The following GRM8 variants were observed in gnomAD, a reference collection of about 807,000 sequenced individuals.
GRM8 encodes glutamate metabotropic receptor 8.
Under a neutral mutation model 87.2 loss-of-function variants are expected in GRM8, and 47 were observed. That is an observed-to-expected ratio of 0.54 (90% CI 0.43 to 0.69). GRM8 has a LOEUF of 0.69. Among genes scored for constraint, GRM8 ranks in the 30% least tolerant of loss-of-function variants. The pLI is 0.00. For synonymous variants in GRM8, 396 were observed against 404.5 expected, an observed-to-expected ratio of 0.98 and a Z score of 0.25; for missense variants, 1,019 against 1,139.2, an observed-to-expected ratio of 0.89 and a Z score of 1.52.
chr7:126,941,947 G>T (rs1806992846), intron 3 of GRM8, among the ~76,000 whole-genome samples: 1 of 152,112 alleles, frequency 6.6e-6, no homozygotes, highest in South Asian at 2.1e-4. Flanking sequence ...ACAAAAATTG[G>T]TTTATAATTA....
intron 3 of GRM8, among the ~76,000 whole-genome samples, chr7:126,967,424 A>G (rs1809987490): frequency 6.6e-6 from 1 of 152,148 alleles, no homozygotes; most frequent in Non-Finnish European, 1.5e-5. Flanking sequence ...ATTCACACAC[A>G]TTTTTCAAAG....
In GRM8 at chr7:126,928,121, G is replaced by T. The variant is rs181198364; in HGVS notation, c.728-23438C>A. ...TTCTCAGCAAACTAACACAAGGACA[G>T]AAAACCAAACACTGCATGTTCTCAC... On this transcript the variant is annotated intron_variant, in intron 3 of 10. Coordinates refer to ENST00000339582, the MANE Select transcript of GRM8 (RefSeq NM_000845.3). 2.4e-3 allele frequency among the ~76,000 whole-genome samples: 363 copies of T among 149,558 alleles called. 1 individual carries two copies. The highest frequency in any genetic ancestry group is 8.6e-3 in the African/African-American group (347 of 40,544).
chr7:126,865,622 T>C (rs1253903533), intron 6 of GRM8, among the ~76,000 whole-genome samples: 3 of 152,190 alleles, frequency 2.0e-5, no homozygotes, highest in African/African-American at 7.2e-5. Flanking sequence ...CGATCACTAA[T>C]TTACTTTTCC....
At position 126,533,316 on chromosome 7, in the gene GRM8, A is replaced by T; in HGVS notation, c.2066T>A (p.Phe689Tyr). Reference sequence around the variant, plus strand: ...CACCAGCTGAGATGCTGGACTAATGAACTTGGGCGCTGTGACAGATTTCTT... The same window carrying T: ...CACCAGCTGAGATGCTGGACTAATGTACTTGGGCGCTGTGACAGATTTCTT... ...QGKKSVTAPK[F>Y]ISPASQLVIT... Residue 689 changes from phenylalanine (F) to tyrosine (Y), a missense_variant, in exon 9 of 11, where the codon TTC becomes TAC. Physicochemically the swap from Phe to Tyr is conservative, Grantham distance 22. Transcript: ENST00000339582. 2 of 1,613,750 alleles carry T rather than the reference A, an allele frequency of 1.2e-6. No individual in the cohort carries two copies. Among genetic ancestry groups the T allele is most frequent in the South Asian group, 2.2e-5 (2 of 91,078 alleles).
At chr7:126,687,623 G>A (rs972941367) in intron 7 of GRM8, among the ~76,000 whole-genome samples, 8 of 150,350 alleles carry the variant, frequency 5.3e-5, no homozygotes, top group African/African-American at 2.0e-4. Flanking sequence ...GAATGGAATT[G>A]GTAGATCATC....
intron 9 of GRM8, among the ~76,000 whole-genome samples, chr7:126,498,108 C>A (rs1402780723): frequency 2.0e-5 from 3 of 151,820 alleles, no homozygotes; most frequent in Non-Finnish European, 2.9e-5. Flanking sequence ...TAGATAATTT[C>A]ATGATGAGAG....
At chr7:126,477,921 TTC>T (rs1806190182) in intron 9 of GRM8, among the ~76,000 whole-genome samples, 1 of 152,184 alleles carries the variant, frequency 6.6e-6, no homozygotes, top group South Asian at 2.1e-4. Context: ...GGCCATGCAG[TTC>T]TCTTTCCCTC....
At chr7:126,788,932 TATAAC>T (rs1423551132) in intron 6 of GRM8, among the ~76,000 whole-genome samples, 1 of 152,326 alleles carries the variant, frequency 6.6e-6, no homozygotes, top group South Asian at 2.1e-4. Flanking sequence ...TTTGAAATCT[TATAAC>T]ATATGGCATT....
intron 3 of GRM8, among the ~76,000 whole-genome samples, chr7:127,006,704 C>T (rs905440747): frequency 6.6e-6 from 1 of 151,834 alleles, no homozygotes; most frequent in African/African-American, 2.4e-5. Context: ...TTCTTTTTTC[C>T]TCAGTTTCCA....
chr7:126,914,973 G>A (rs561120302), intron 3 of GRM8, among the ~76,000 whole-genome samples: 23 of 152,276 alleles, frequency 1.5e-4, no homozygotes, highest in African/African-American at 5.5e-4. Context: ...AAAGGACCTT[G>A]GCACAGAGAG....
chr7:127,183,358 A>T (rs1053977087), intron 2 of GRM8, among the ~76,000 whole-genome samples: 1 of 151,880 alleles, frequency 6.6e-6, no homozygotes, highest in Non-Finnish European at 1.5e-5. Flanking sequence ...TTTTCAGATC[A>T]CAACAGAACT....
At chr7:126,534,386 T>A (rs1475112285) in intron 8 of GRM8, among the ~76,000 whole-genome samples, 1 of 152,204 alleles carries the variant, frequency 6.6e-6, no homozygotes, top group Non-Finnish European at 1.5e-5. Flanking sequence ...AATGAGTTAA[T>A]CTCTGACTTT....
intron 7 of GRM8, among the ~76,000 whole-genome samples, chr7:126,759,624 C>A (rs1343242695): frequency 2.6e-5 from 4 of 152,104 alleles, no homozygotes; most frequent in Admixed American, 6.6e-5. Context: ...CTTTCCAACT[C>A]CTGCCTTGTT....
Position 126,703,595 on chromosome 7 carries a change from T to C in GRM8, c.1357+66270A>G, listed in dbSNP as rs961335305. On this transcript the variant is annotated intron_variant, in intron 7 of 10. Transcript: ENST00000339582. ...CGTTTTTTATACGAGGTCTCGTCTT[T>C]ATCACTCAGGCTGAAGTGCAGTGGT... Among the ~76,000 whole-genome samples, 3 of 152,300 alleles carry C rather than the reference T, an allele frequency of 2.0e-5. No individual in the cohort carries two copies. In the South Asian group the frequency reaches 6.2e-4, roughly 32 times the overall value.
At chr7:127,095,176 C>T (rs1417827489) in intron 3 of GRM8, among the ~76,000 whole-genome samples, 3 of 152,178 alleles carry the variant, frequency 2.0e-5, no homozygotes, top group Non-Finnish European at 4.4e-5. Flanking sequence ...AAGTGTAAGT[C>T]AAATGTCTGG....
At chr7:126,960,619 A>C (rs1419607221) in intron 3 of GRM8, among the ~76,000 whole-genome samples, 2 of 152,200 alleles carry the variant, frequency 1.3e-5, no homozygotes, top group Non-Finnish European at 2.9e-5. Flanking sequence ...TAAGAAAATA[A>C]TTTTGTAGCC....
chr7:126,741,403 C>T (rs754481989), intron 7 of GRM8, among the ~76,000 whole-genome samples: 6 of 152,058 alleles, frequency 3.9e-5, no homozygotes, highest in Non-Finnish European at 8.8e-5. Flanking sequence ...TTTGGTTTTC[C>T]ACTGGGAGGA....
At chr7:127,138,238 C>T (rs1828049127) in intron 2 of GRM8, among the ~76,000 whole-genome samples, 1 of 152,142 alleles carries the variant, frequency 6.6e-6, no homozygotes, top group Non-Finnish European at 1.5e-5. Flanking sequence ...TCCTCCTCCC[C>T]ACCCATTGCA....
At chr7:127,102,691 A>G (rs1825411117) in intron 3 of GRM8, among the ~76,000 whole-genome samples, 1 of 152,154 alleles carries the variant, frequency 6.6e-6, no homozygotes, top group Admixed American at 6.5e-5. Flanking sequence ...CCTACATTTC[A>G]GAGGATGTAT....
Sources: gnomAD v4.1 joint callset for allele counts (sites outside exome capture counted in the v4.1 genomes callset) on GRCh38, gnomAD v4.1.1 for gene constraint, MANE v1.5 for transcripts, NCBI Gene and HGNC (gene_info 2026-07-23, HGNC 2026-07-21) for gene names.